CREBBP: variants seen among roughly 807,000 people sequenced by gnomAD.
CREBBP encodes CREB binding lysine acetyltransferase, also known as CREB-binding protein.
In CREBBP, 19 loss-of-function variants were observed where a neutral mutation model predicts 265.0. That is an observed-to-expected ratio of 0.07 (90% CI 0.05 to 0.11). The LOEUF (loss-of-function observed/expected upper bound fraction) is 0.11. Ranked by LOEUF, CREBBP falls within the 10% of genes least tolerant of loss-of-function variation. The pLI is 1.00. For synonymous variants in CREBBP, 1,457 were observed against 1,223.7 expected, an observed-to-expected ratio of 1.19 and a Z score of -3.98; for missense variants, 2,525 against 3,219.0, an observed-to-expected ratio of 0.78 and a Z score of 5.22.
intron 2 of CREBBP, among the ~76,000 whole-genome samples, chr16:3,842,930 C>T (rs2054592222): frequency 7.5e-6 from 1 of 133,570 alleles, no homozygotes; most frequent in Admixed American, 8.3e-5. Flanking sequence ...CATGCCACTG[C>T]ATTCCAGCCT....
In CREBBP at chr16:3,731,204, G is replaced by A. The variant is rs1186366762; in HGVS notation, c.5160C>T (p.Cys1720=). The change falls in exon 30 of 31, where the codon TGC becomes TGT. Residue 1720 remains cysteine, a synonymous_variant. Coordinates refer to ENST00000262367, the MANE Select transcript of CREBBP (RefSeq NM_004380.3). The surrounding 1 kb of genome is among the most constrained non-coding windows in gnomAD (Gnocchi z 7.7). ...CKHHVETRWH[C]TVCEDYDLCI... ...GGGCAGGGCCTACCTCGCACACAGTGCAGTGCCAGCGCGTCTCCACGTGGT... is the reference window on the plus strand; with the variant it reads ...GGGCAGGGCCTACCTCGCACACAGTACAGTGCCAGCGCGTCTCCACGTGGT... 1 of 1,613,516 alleles carries A rather than the reference G, an allele frequency of 6.2e-7. No individual in the cohort carries two copies. The highest frequency in any genetic ancestry group is 8.5e-7 in the Non-Finnish European group (1 of 1,179,858).
At chr16:3,872,033 A>G (rs1294840765) in intron 1 of CREBBP, among the ~76,000 whole-genome samples, 1 of 152,210 alleles carries the variant, frequency 6.6e-6, no homozygotes, top group Non-Finnish European at 1.5e-5. Flanking sequence ...TCTTTTGATT[A>G]ATGGAAATGA....
chr16:3,864,472 C>T (rs1021402486), intron 1 of CREBBP, among the ~76,000 whole-genome samples: 10 of 152,000 alleles, frequency 6.6e-5, no homozygotes, highest in African/African-American at 1.9e-4. Flanking sequence ...TAGCGAAACC[C>T]GGTCTCTACA....
chr16:3,735,093 C>G (rs774278884), intron 28 of CREBBP, among the ~76,000 whole-genome samples: 1 of 152,232 alleles, frequency 6.6e-6, no homozygotes, highest in Non-Finnish European at 1.5e-5. Flanking sequence ...GCCGCACAAA[C>G]CCGCACACAG....
chr16:3,875,401 G>A lies in CREBBP; in HGVS notation c.85+4431C>T, dbSNP rs145213161. ...TCCTACTTAGCCAGAACTCACTGAT[G>A]GGGTAACATAACCGTTTCTCATTCT... On this transcript the variant is annotated intron_variant, in intron 1 of 30. Transcript: ENST00000262367. Among the ~76,000 whole-genome samples, 57 of 152,254 alleles carry A rather than the reference G, an allele frequency of 3.7e-4. 2 individuals carry two copies. Among genetic ancestry groups the A allele is most frequent in the African/African-American group, 1.3e-3 (54 of 41,544 alleles).
chr16:3,832,876 ACGT>A (rs1490072283), intron 2 of CREBBP, among the ~76,000 whole-genome samples: 1 of 152,030 alleles, frequency 6.6e-6, no homozygotes, highest in Non-Finnish European at 1.5e-5. Flanking sequence ...ACTCAGAAAG[ACGT>A]AATTCACATT....
chr16:3,797,383 G>T lies in CREBBP; in HGVS notation c.976-3757C>A, dbSNP rs573601010. Among the ~76,000 whole-genome samples, 5 of 152,222 alleles carry T rather than the reference G, an allele frequency of 3.3e-5. No individual in the cohort carries two copies. In the East Asian group the frequency reaches 9.6e-4, roughly 29 times the overall value. ...GTGTATATCAAATTAGCATATAGAA[G>T]TCCCCCCTTATCCTCAGAGTTCAGG... On this transcript the variant is annotated intron_variant, in intron 3 of 30. Transcript: ENST00000262367.
chr16:3,775,476 C>T (rs2053115274), intron 11 of CREBBP, among the ~76,000 whole-genome samples: 1 of 152,148 alleles, frequency 6.6e-6, no homozygotes, highest in Admixed American at 6.5e-5. Context: ...TGACAGAACC[C>T]TTTAGAGAAT....
At position 3,864,059 on chromosome 16, in the gene CREBBP, G is replaced by A. The variant is rs375766916; in HGVS notation, c.86-13050C>T. Among the ~76,000 whole-genome samples the A allele has an allele frequency of 5.9e-5, 9 of 152,276 alleles. No homozygotes were observed. In the South Asian group the frequency reaches 1.2e-3, roughly 21 times the overall value. ...CAGTCCTGGAGGAAGAAGAATGTGG[G>A]GGCTGAGCTAGGAGCTAGCCTTTGC... On this transcript the variant is annotated intron_variant, in intron 1 of 30. Transcript: ENST00000262367.
intron 20 of CREBBP, among the ~76,000 whole-genome samples, chr16:3,751,263 G>A (rs954666386): frequency 2.6e-5 from 4 of 152,002 alleles, no homozygotes; most frequent in Non-Finnish European, 5.9e-5. Flanking sequence ...AAATGTATAC[G>A]TATACACATA....
At chr16:3,868,480 C>T (rs1342930580) in intron 1 of CREBBP, among the ~76,000 whole-genome samples, 1 of 152,026 alleles carries the variant, frequency 6.6e-6, no homozygotes, top group Non-Finnish European at 1.5e-5. Flanking sequence ...AAATAAATCA[C>T]AGGAGCTCCC....
Position 3,731,405 on chromosome 16 carries a change from G to A in CREBBP, c.4959C>T (p.Asp1653=), listed in dbSNP as rs1462383393. The change falls in exon 30 of 31, where the codon GAC becomes GAT. Residue 1653 remains aspartate, a synonymous_variant. Transcript: ENST00000262367. The surrounding 1 kb of genome is among the most constrained non-coding windows in gnomAD (Gnocchi z 7.7). ...CCATGAGGTCACAGCTGAGCAGGGG[G>A]TCGGGGTCGACGATGGGGGGCAGGG... ...INTLPPIVDP[D]PLLSCDLMDG... is the part of the protein sequence containing the mutation. 7 of 1,609,044 alleles carry A rather than the reference G, an allele frequency of 4.4e-6. No homozygotes were observed. The African/African-American group carries it at 9.3e-5, about 21-fold the overall frequency.
At chr16:3,811,638 C>T (rs946534476) in intron 2 of CREBBP, among the ~76,000 whole-genome samples, 1 of 152,050 alleles carries the variant, frequency 6.6e-6, no homozygotes, top group Non-Finnish European at 1.5e-5. Context: ...ACTACAGGCA[C>T]GTGCCACCAG....
At chr16:3,783,003 A>C in intron 5 of CREBBP, 77 bp from the exon 6 acceptor site, 1 of 1,565,048 alleles carries the variant, frequency 6.4e-7, no homozygotes, top group Non-Finnish European at 8.8e-7. Flanking sequence ...TTTAAAAACT[A>C]TTGAGAAGCA....
At chr16:3,734,710 G>A (rs896820871) in intron 28 of CREBBP, among the ~76,000 whole-genome samples, 1 of 151,958 alleles carries the variant, frequency 6.6e-6, no homozygotes, top group African/African-American at 2.4e-5. Context: ...CGCCTCCTCT[G>A]TCCTGCGAAT....
At chr16:3,736,318 C>T in intron 27 of CREBBP, 115 bp from the exon 28 acceptor site, 9 of 1,088,572 alleles carry the variant, frequency 8.3e-6, no homozygotes, top group Non-Finnish European at 1.1e-5. Context: ...GAGTCCCATG[C>T]ATGTGTGCCC....
chr16:3,740,116 C>T (rs2052165007), intron 24 of CREBBP, among the ~76,000 whole-genome samples: 1 of 152,094 alleles, frequency 6.6e-6, no homozygotes, highest in Non-Finnish European at 1.5e-5. Context: ...ATAAATTAGG[C>T]ACAGCAAGAG....
At chr16:3,791,590 A>G (rs2053508692) in intron 5 of CREBBP, among the ~76,000 whole-genome samples, 1 of 152,168 alleles carries the variant, frequency 6.6e-6, no homozygotes, top group Non-Finnish European at 1.5e-5. Context: ...TATCCCCTCT[A>G]TCCCCCTCCC....
chr16:3,774,877 C>T lies in CREBBP; in HGVS notation c.2159-184G>A. On this transcript the variant is annotated intron_variant, in intron 11 of 30. Transcript: ENST00000262367. ...CAGACTTCTCCATATCCAGAGAAAA[C>T]GGCATCAATGTGGGGGTGGTGACGG... The T allele has an allele frequency of 1.9e-5, 15 of 800,246 alleles. No homozygotes were observed. The South Asian group carries it at 2.0e-4, about 11-fold the overall frequency. The allele number at this position is 800,246 out of a possible 1,614,324, so 49.6% of individuals were successfully genotyped here.
Sources: gnomAD v4.1 joint callset for allele counts (sites outside exome capture counted in the v4.1 genomes callset) on GRCh38, gnomAD v4.1.1 for gene constraint, Gnocchi (gnomAD v3.1) non-coding constraint, MANE v1.5 for transcripts, NCBI Gene and HGNC (gene_info 2026-07-23, HGNC 2026-07-21) for gene names.